The following SPATA6L variants were observed in gnomAD, a reference collection of about 807,000 sequenced individuals.
The protein encoded by SPATA6L is spermatogenesis associated 6-like protein.
In SPATA6L, 68 loss-of-function variants were observed where a neutral mutation model predicts 49.2. The ratio of observed to expected loss-of-function variants is 1.38; its 90% CI spans 1.14 to 1.69. The LOEUF is 1.69. SPATA6L is among the 40% of genes most tolerant of loss of function. The probability of loss-of-function intolerance (pLI) is 0.00; values close to 1 mark genes in which losing one functional copy is unlikely to be tolerated. For missense variants in SPATA6L, 668 were observed against 464.3 expected (o/e 1.44, Z -4.03); for synonymous variants, 198 against 165.7 (o/e 1.19, Z -1.50).
At chr9:4,615,971 G>A (rs1827888571) in intron 9 of SPATA6L, among the ~76,000 whole-genome samples, 1 of 152,120 alleles carries the variant, frequency 6.6e-6, no homozygotes, top group African/African-American at 2.4e-5. Flanking sequence ...TTTTAAAGAT[G>A]AGGAAACTGA....
At chr9:4,635,067 C>A (rs775306930) in intron 4 of SPATA6L, among the ~76,000 whole-genome samples, 2 of 152,182 alleles carry the variant, frequency 1.3e-5, no homozygotes, top group African/African-American at 4.8e-5. Flanking sequence ...GCAATGATTT[C>A]AGCCTGATTA....
intron 1 of SPATA6L, chr9:4,663,534 GAAAAC>G: frequency 2.5e-6 from 1 of 393,656 alleles, no homozygotes; most frequent in East Asian, 4.3e-5. Flanking sequence ...CAACTGCAAA[GAAAAC>G]AAGCTGAGGT....
chr9:4,604,525 G>A (rs1353501399), intron 10 of SPATA6L, among the ~76,000 whole-genome samples: 1 of 152,146 alleles, frequency 6.6e-6, no homozygotes, highest in African/African-American at 2.4e-5. Flanking sequence ...TAGGATTATA[G>A]ATTTGAGCCC....
At chr9:4,644,956 C>T (rs779806187) in intron 3 of SPATA6L, among the ~76,000 whole-genome samples, 6 of 152,152 alleles carry the variant, frequency 3.9e-5, no homozygotes, top group Non-Finnish European at 8.8e-5. Context: ...ATGTTTTAGG[C>T]TTTGTAGGCC....
intron 2 of SPATA6L, among the ~76,000 whole-genome samples, chr9:4,658,949 C>T (rs1429636076): frequency 1.7e-5 from 1 of 60,606 alleles, no homozygotes; most frequent in Non-Finnish European, 2.8e-5. Context: ...CACTCTGTCT[C>T]CAAAAAAAAA....
At chr9:4,622,341 AAG>A (rs1329315128) in intron 7 of SPATA6L, 65 bp downstream of exon 7, 4 of 922,164 alleles carry the variant, frequency 4.3e-6, no homozygotes, top group Non-Finnish European at 7.0e-6. Flanking sequence ...CTCAGAATGA[AAG>A]AGTATACTCA....
chr9:4,640,684 T>C (rs1833841207), intron 3 of SPATA6L, among the ~76,000 whole-genome samples: 1 of 146,478 alleles, frequency 6.8e-6, no homozygotes, highest in Non-Finnish European at 1.5e-5. Context: ...GTGTAGATCA[T>C]GTGCAAAGTA....
chr9:4,657,481 C>T (rs537086449), intron 2 of SPATA6L, among the ~76,000 whole-genome samples: 5 of 151,710 alleles, frequency 3.3e-5, no homozygotes, highest in African/African-American at 1.2e-4. Context: ...TAGGGTAGGC[C>T]TCTGATAAGA....
chr9:4,612,987 G>C (rs1827132213), intron 9 of SPATA6L, among the ~76,000 whole-genome samples: 2 of 152,146 alleles, frequency 1.3e-5, no homozygotes, highest in African/African-American at 4.8e-5. Flanking sequence ...CAGCACTTTG[G>C]AAGGCTGAGG....
rs1367615513 is a variant in SPATA6L at position 4,599,659 on chromosome 9, C to T, written c.*1152G>A. ...GGCCCTCTTCCTGGGTCAGAGATGG[C>T]GCCTTCTCGCTGTCTCCTCGCCAGT... On this transcript the variant is annotated 3_prime_UTR_variant, in exon 12 of 12. Transcript: ENST00000682582. Among the ~76,000 whole-genome samples the T allele has an allele frequency of 1.3e-5, 2 of 152,152 alleles. No homozygotes were observed. Among genetic ancestry groups the T allele is most frequent in the Admixed American group, 6.5e-5 (1 of 15,274 alleles).
intron 3 of SPATA6L, among the ~76,000 whole-genome samples, chr9:4,647,258 C>A (rs1432991390): frequency 6.6e-6 from 1 of 152,148 alleles, no homozygotes; most frequent in Non-Finnish European, 1.5e-5. Context: ...ATCTTGCTTA[C>A]AACATTGTGC....
chr9:4,635,393 T>G lies in SPATA6L; in HGVS notation c.233A>C (p.Asp78Ala), dbSNP rs746794768. 95 of 1,577,852 alleles carry G rather than the reference T, an allele frequency of 6.0e-5. No individual in the cohort carries two copies. Among genetic ancestry groups the G allele is most frequent in the Non-Finnish European group, 7.7e-5 (90 of 1,169,220 alleles). The stretch of plus-strand genomic sequence containing the variant: ...GTTTTCTTCGTAGTAGGCCAACTCA[T>G]CCCACACTAGAAAGAAAATAGAAAA... Reference protein sequence around the residue: ...GAVVDLLEMWDELAYYEENTR... With the variant: ...GAVVDLLEMWAELAYYEENTR... Residue 78 changes from aspartate to alanine, a missense_variant, in exon 4 of 12, where the codon GAT becomes GCT. Coordinates refer to ENST00000682582, the MANE Select transcript of SPATA6L (RefSeq NM_001353486.2).
At chr9:4,629,378 T>A (rs769667056) in intron 4 of SPATA6L, among the ~76,000 whole-genome samples, 1 of 152,082 alleles carries the variant, frequency 6.6e-6, no homozygotes, top group Non-Finnish European at 1.5e-5. Context: ...TTCATATATA[T>A]TAACTCATCT....
intron 9 of SPATA6L, among the ~76,000 whole-genome samples, chr9:4,606,821 A>T (rs1258975134): frequency 6.7e-6 from 1 of 148,474 alleles, no homozygotes; most frequent in Admixed American, 6.8e-5. Flanking sequence ...TGAGAGAAGA[A>T]GGCTTCAGAC....
intron 1 of SPATA6L, chr9:4,664,857 C>T (rs1587591884): frequency 6.0e-6 from 1 of 167,070 alleles, no homozygotes; most frequent in East Asian, 1.9e-4. Flanking sequence ...TTTGCATTCC[C>T]ACAGCATCCT....
At chr9:4,645,824 G>C (rs1778847777) in intron 3 of SPATA6L, among the ~76,000 whole-genome samples, 1 of 152,162 alleles carries the variant, frequency 6.6e-6, no homozygotes, top group East Asian at 1.9e-4. Flanking sequence ...GTGGTGGCCA[G>C]GGCCTGGAGG....
rs1029338297 is a variant in SPATA6L at position 4,600,077 on chromosome 9, A to G, written c.*734T>C. Among the ~76,000 whole-genome samples, 1 of 152,092 alleles carries G rather than the reference A, an allele frequency of 6.6e-6. No individual in the cohort carries two copies. On this transcript the variant is annotated 3_prime_UTR_variant, in exon 12 of 12. Transcript: ENST00000682582. The stretch of plus-strand genomic sequence containing the variant: ...ATTGGCAGTCCTATCTGTAGAACCT[A>G]TTTACTTAATGTGTAGTTCTTTTGG...
chr9:4,629,975 C>A (rs956683108), intron 4 of SPATA6L, among the ~76,000 whole-genome samples: 4 of 151,766 alleles, frequency 2.6e-5, no homozygotes, highest in Non-Finnish European at 5.9e-5. Context: ...TCGGTAATAA[C>A]AAGGAACAAA....
intron 3 of SPATA6L, among the ~76,000 whole-genome samples, chr9:4,653,017 G>T (rs954954501): frequency 6.6e-6 from 1 of 152,130 alleles, no homozygotes; most frequent in African/African-American, 2.4e-5. Flanking sequence ...TTGACAAGAT[G>T]ATTGAAAAAT....
Sources: gnomAD v4.1 joint callset for allele counts (sites outside exome capture counted in the v4.1 genomes callset) on GRCh38, gnomAD v4.1.1 for gene constraint, MANE v1.5 for transcripts, NCBI Gene and HGNC (gene_info 2026-07-23, HGNC 2026-07-21) for gene names.